ADGRE3: variants seen among roughly 807,000 people sequenced by gnomAD.
The protein encoded by ADGRE3 is EGF-like module receptor 3.
ADGRE3 carries 88 observed loss-of-function variants against 80.1 expected under a neutral mutation model. That is an observed-to-expected ratio of 1.10 (90% CI 0.93 to 1.31). The LOEUF (loss-of-function observed/expected upper bound fraction) is 1.31, where lower values mean the gene tolerates loss of function less well. ADGRE3 is among the 40% of genes most tolerant of loss of function. The probability of loss-of-function intolerance (pLI) is 0.00; values close to 1 mark genes in which losing one functional copy is unlikely to be tolerated. For synonymous variants in ADGRE3, 281 were observed against 294.8 expected, an observed-to-expected ratio of 0.95 and a Z score of 0.48; for missense variants, 715 against 776.5, an observed-to-expected ratio of 0.92 and a Z score of 0.94.
intron 7 of ADGRE3, among the ~76,000 whole-genome samples, chr19:14,648,693 A>C (rs1248353762): frequency 6.6e-6 from 1 of 152,138 alleles, no homozygotes; most frequent in Non-Finnish European, 1.5e-5. Flanking sequence ...TGCCTGCTAT[A>C]ATGTGGGTGG....
Position 14,668,805 on chromosome 19 carries a change from T to G in ADGRE3, c.73A>C (p.Lys25Gln). The change falls in exon 2 of 16, where the codon AAA becomes CAA. Residue 25 changes from lysine (K) to glutamine (Q), a missense_variant. By Grantham distance (53) the Lys-to-Gln change is moderately conservative. Coordinates refer to ENST00000253673, the MANE Select transcript of ADGRE3 (RefSeq NM_032571.5). ...TGTTCTGGCTCTGAGCACTCACTTT[T>G]GGTTTTCTGAGTCACAGCTCCAAAG... The part of the protein sequence containing the change: ...SLFGAVTQKT[K>Q]TSCAKCPPNA... The G allele has an allele frequency of 6.2e-7, 1 of 1,614,006 alleles. No homozygotes were observed. Among genetic ancestry groups the G allele is most frequent in the Non-Finnish European group, 8.5e-7 (1 of 1,179,932 alleles).
intron 7 of ADGRE3, among the ~76,000 whole-genome samples, chr19:14,650,629 ATCTCTCTCTCTC>A (rs376333448): frequency 0.029 from 722 of 24,578 alleles, 3 homozygotes; most frequent in Middle Eastern, 0.062. Context: ...CTCTGTCTCC[ATCTCTCTCTCTC>A]TCTCTCTCTC....
Position 14,626,449 on chromosome 19 carries a change from G to C in ADGRE3, c.1813-850C>G, listed in dbSNP as rs186181261. On this transcript the variant is annotated intron_variant, in intron 14 of 15. Coordinates refer to ENST00000253673, the MANE Select transcript of ADGRE3 (RefSeq NM_032571.5). ...AACACTTCATCTCAAAAAAACAAAA[G>C]AAAAGAAAAGAAAAAATAGAAAATG... 6.4e-4 allele frequency among the ~76,000 whole-genome samples: 98 copies of C among 151,942 alleles called. 1 individual carries two copies. The highest frequency in any genetic ancestry group is 6.8e-3 in the Middle Eastern group (2 of 294).
At chr19:14,601,119 T>C in the ADGRE3 span, among the ~76,000 whole-genome samples, 1 of 151,510 alleles carries the variant, frequency 6.6e-6, no homozygotes, top group Non-Finnish European at 1.5e-5. Context: ...GCCAGGCTGT[T>C]CTCGAACTCC....
rs1972232844 is a variant in ADGRE3, at chr19:14,670,699, G to A, written c.26-1847C>T. On this transcript the variant is annotated intron_variant, in intron 1 of 15. Coordinates refer to ENST00000253673, the MANE Select transcript of ADGRE3 (RefSeq NM_032571.5). Reference sequence around the variant, plus strand: ...TTTTCTGTCACTTCAGCTTTGCAACGACTTTAGCAGGAAAGTGCTATTAGC... The same window carrying A: ...TTTTCTGTCACTTCAGCTTTGCAACAACTTTAGCAGGAAAGTGCTATTAGC... Among the ~76,000 whole-genome samples, 4 of 152,172 alleles carry A rather than the reference G, an allele frequency of 2.6e-5. No homozygotes were observed. The South Asian group carries it at 6.2e-4, about 24-fold the overall frequency.
rs1435435269 is a variant in ADGRE3 at position 14,620,568 on chromosome 19, A to ATATATT, written c.1921-1098_1921-1097insAATATA. 1.3e-3 allele frequency among the ~76,000 whole-genome samples: 14 copies of ATATATT among 11,048 alleles called. 1 individual carries two copies. The highest frequency in any genetic ancestry group is 2.0e-3 in the African/African-American group (5 of 2,452). The allele number at this position is 11,048 out of a possible 152,430, so 7.2% of individuals were successfully genotyped here. A position where few individuals can be genotyped will look rare whatever the true frequency, so the allele number is the denominator to read the frequency against. On this transcript the variant is annotated intron_variant, in intron 15 of 15. Coordinates refer to ENST00000253673, the MANE Select transcript of ADGRE3 (RefSeq NM_032571.5). ...ATATATTATATATATATATATATAT[A>ATATATT]TTTTTTTTTTTTTTTTTTTTTTTTT...
Position 14,625,500 on chromosome 19 carries a change from G to T in ADGRE3, c.1912C>A (p.Pro638Thr). 1 of 1,602,730 alleles carries T rather than the reference G, an allele frequency of 6.2e-7. No homozygotes were observed. Among genetic ancestry groups the T allele is most frequent in the Non-Finnish European group, 8.5e-7 (1 of 1,169,686 alleles). Residue 638 changes from proline to threonine, a missense_variant, in exon 15 of 16, where the codon CCC becomes ACC. Transcript: ENST00000253673. ...TCAGATGTTTCACTTACCTCACTGGGTTTTGAGTCAGGACCCATCTTGCTG... is the reference window on the plus strand; with the variant it reads ...TCAGATGTTTCACTTACCTCACTGGTTTTTGAGTCAGGACCCATCTTGCTG... ...LSSKMGPDSK[P>T]SEGDVFPGQV...
At chr19:14,654,533 G>A (rs962864920) in intron 6 of ADGRE3, among the ~76,000 whole-genome samples, 3 of 152,064 alleles carry the variant, frequency 2.0e-5, no homozygotes, top group Non-Finnish European at 4.4e-5. Flanking sequence ...CCAAAGTGCT[G>A]GGAATACAGT....
intron 1 of ADGRE3, among the ~76,000 whole-genome samples, chr19:14,671,972 A>C (rs1307159757): frequency 6.6e-6 from 1 of 152,018 alleles, no homozygotes; most frequent in East Asian, 1.9e-4. Context: ...CTGGTCTTGA[A>C]CTGTTGGCCT....
In ADGRE3 at chr19:14,654,064, C is replaced by T. The variant is rs150147339; in HGVS notation, c.577+918G>A. On this transcript the variant is annotated intron_variant, in intron 6 of 15. Coordinates refer to ENST00000253673, the MANE Select transcript of ADGRE3 (RefSeq NM_032571.5). ...GCCTCCCCAGTTCAAGTGATTCTCC[C>T]ACCTCAGCCTCTGGAGTAGCTGGGA... Among the ~76,000 whole-genome samples, 626 of 151,678 alleles carry T rather than the reference C, an allele frequency of 4.1e-3. 10 individuals are homozygous for T. In the East Asian group the frequency reaches 0.064, roughly 16 times the overall value.
At chr19:14,609,053 G>A in the ADGRE3 span, among the ~76,000 whole-genome samples, 48 of 152,092 alleles carry the variant, frequency 3.2e-4, 1 homozygote. Context: ...ACCCGTCTTG[G>A]CCTCCCAAAG....
chr19:14,633,279 C>A lies in ADGRE3; in HGVS notation c.1508G>T (p.Gly503Val). 1 of 1,612,394 alleles carries A rather than the reference C, an allele frequency of 6.2e-7. No individual in the cohort carries two copies. Among genetic ancestry groups the A allele is most frequent in the Non-Finnish European group, 8.5e-7 (1 of 1,179,080 alleles). The change falls in exon 12 of 16, where the codon GGA becomes GTA. Residue 503 changes from glycine (G) to valine (V), a missense_variant. By Grantham distance (109) the Gly-to-Val change is moderately radical. Transcript: ENST00000253673. Reference sequence around the variant, plus strand: ...TGGGCCAAGGAAACTCCACATGAATCCCTGGTCCAGGTGGAGCCAGCATCT... The same window carrying A: ...TGGGCCAAGGAAACTCCACATGAATACCTGGTCCAGGTGGAGCCAGCATCT... The part of the protein sequence containing the change: ...ADRCWLHLDQ[G>V]FMWSFLGPVC...
At position 14,663,557 on chromosome 19, in the gene ADGRE3, G is replaced by A. The variant is rs781436878; in HGVS notation, c.77-17C>T. 6.2e-7 allele frequency: 1 copy of A among 1,609,522 alleles called. No individual in the cohort carries two copies. Among genetic ancestry groups the A allele is most frequent in the African/African-American group, 1.3e-5 (1 of 74,750 alleles). On this transcript the variant is annotated splice_polypyrimidine_tract_variant and intron_variant, in intron 2 of 15. Coordinates refer to ENST00000253673, the MANE Select transcript of ADGRE3 (RefSeq NM_032571.5). ...CACAGGAAGCTGCAGGGAGAAGAGA[G>A]GCAGGTTAAATGGACTGGGGTCACA...
intron 7 of ADGRE3, among the ~76,000 whole-genome samples, chr19:14,648,280 G>A (rs1371301339): frequency 6.6e-6 from 1 of 152,120 alleles, no homozygotes; most frequent in Non-Finnish European, 1.5e-5. Context: ...TAATTCTGCT[G>A]TAAGCATCGG....
intron 4 of ADGRE3, among the ~76,000 whole-genome samples, chr19:14,659,889 T>G (rs139459761): frequency 2.0e-5 from 3 of 146,658 alleles, no homozygotes; most frequent in African/African-American, 7.5e-5. Context: ...TCTTTTATCA[T>G]CATGCTGAGG....
At chr19:14,627,670 C>T (rs577075080) in intron 14 of ADGRE3, among the ~76,000 whole-genome samples, 11 of 152,158 alleles carry the variant, frequency 7.2e-5, no homozygotes, top group Non-Finnish European at 1.2e-4. Context: ...CGAGCCACCA[C>T]GCTTGGCTGG....
intron 11 of ADGRE3, among the ~76,000 whole-genome samples, chr19:14,636,038 TTCCTTCCTTCCTTCCTTCC>T: frequency 1.2e-5 from 1 of 81,898 alleles, no homozygotes; most frequent in African/African-American, 4.2e-5. Flanking sequence ...CCTTCCTTCC[TTCCTTCCTTCCTTCCTTCC>T]TTCCTTTCCT....
At chr19:14,610,149 T>C in the ADGRE3 span, 1 of 1,600,812 alleles carries the variant, frequency 6.2e-7, no homozygotes, top group Non-Finnish European at 8.5e-7. Flanking sequence ...TGATCTCTCT[T>C]GCTACAAAAC....
In ADGRE3 at chr19:14,655,631, A is replaced by AT. The variant is rs1000108708; in HGVS notation, c.394-467dup. ...CCGCCATGCTTGCTTAATTTTTTTA[A>AT]TTTTTTTTTTTGTATAGACAGGGTC... On this transcript the variant is annotated intron_variant, in intron 5 of 15. Transcript: ENST00000253673. Among the ~76,000 whole-genome samples the AT allele has an allele frequency of 4.1e-3, 594 of 146,448 alleles. 2 individuals are homozygous for AT. The highest frequency in any genetic ancestry group is 0.011 in the African/African-American group (452 of 40,154).
Sources: allele counts gnomAD v4.1 joint callset (sites outside exome capture counted in the v4.1 genomes callset), GRCh38; gene constraint gnomAD v4.1.1; transcripts MANE v1.5; gene names NCBI Gene and HGNC (gene_info 2026-07-23, HGNC 2026-07-21).